Variants in PLXNA4 observed in about 807,000 individuals in gnomAD.
PLXNA4 encodes the protein plexin-A4.
In PLXNA4, 44 loss-of-function variants were observed where a neutral mutation model predicts 191.8. The ratio of observed to expected loss-of-function variants is 0.23; its 90% CI spans 0.18 to 0.29. The LOEUF (loss-of-function observed/expected upper bound fraction) is 0.29, where lower values mean the gene tolerates loss of function less well. Ranked by LOEUF, PLXNA4 falls within the 10% of genes least tolerant of loss-of-function variation. The pLI, the probability that PLXNA4 is intolerant of heterozygous loss-of-function variation, is 1.00. For synonymous variants in PLXNA4, 1,082 were observed against 1,009.5 expected (o/e 1.07, Z -1.36); for missense variants, 1,800 against 2,488.8 (o/e 0.72, Z 5.89).
intron 3 of PLXNA4, among the ~76,000 whole-genome samples, chr7:132,463,190 A>G (rs1796582313): frequency 1.3e-5 from 2 of 152,150 alleles, no homozygotes; most frequent in African/African-American, 4.8e-5. Context: ...ATAAAAAATA[A>G]AAATTGTAGG....
intron 1 of PLXNA4, among the ~76,000 whole-genome samples, chr7:132,553,317 T>C (rs548922520): frequency 6.6e-6 from 1 of 152,306 alleles, no homozygotes; most frequent in South Asian, 2.1e-4. Context: ...TAGGCTATTT[T>C]CCACATTACT....
chr7:132,568,952 C>T (rs1327023690), intron 1 of PLXNA4, among the ~76,000 whole-genome samples: 1 of 152,236 alleles, frequency 6.6e-6, no homozygotes, highest in African/African-American at 2.4e-5. Flanking sequence ...GGCTGGGCTC[C>T]TGCAGGGGTA....
At chr7:132,208,063 T>C (rs1287107041) in intron 10 of PLXNA4, among the ~76,000 whole-genome samples, 1 of 152,206 alleles carries the variant, frequency 6.6e-6, no homozygotes, top group Non-Finnish European at 1.5e-5. Context: ...TGGTACCCTG[T>C]TTTCTGTAAC....
At chr7:132,482,591 A>C (rs903399975) in intron 3 of PLXNA4, among the ~76,000 whole-genome samples, 1 of 152,190 alleles carries the variant, frequency 6.6e-6, no homozygotes, top group Admixed American at 6.5e-5. Context: ...GTGTTGTTCA[A>C]AGCCTCTAAG....
chr7:132,255,879 C>T (rs1308578735), intron 4 of PLXNA4, among the ~76,000 whole-genome samples: 2 of 152,214 alleles, frequency 1.3e-5, no homozygotes, highest in African/African-American at 2.4e-5. Flanking sequence ...GTTTTATTGC[C>T]CCAGCACCTG....
At chr7:132,338,722 G>A (rs900652461) in intron 3 of PLXNA4, among the ~76,000 whole-genome samples, 3 of 152,178 alleles carry the variant, frequency 2.0e-5, no homozygotes, top group African/African-American at 7.2e-5. Context: ...ATCAGGAGGT[G>A]GATGGTGGTC....
intron 3 of PLXNA4, among the ~76,000 whole-genome samples, chr7:132,328,468 G>T (rs1004871659): frequency 6.6e-6 from 1 of 152,146 alleles, no homozygotes; most frequent in East Asian, 1.9e-4. Flanking sequence ...AATAGGAGCG[G>T]GGGGGCCTCC....
intron 3 of PLXNA4, among the ~76,000 whole-genome samples, chr7:132,348,257 A>C (rs1803329257): frequency 6.6e-6 from 1 of 152,112 alleles, no homozygotes; most frequent in Non-Finnish European, 1.5e-5. Context: ...AGATCATAAC[A>C]ATCTTTTCCA....
rs1798213866 is a variant in PLXNA4, at chr7:132,223,575, A to G, written c.2049T>C (p.His683=). 7.4e-6 allele frequency: 12 copies of G among 1,613,846 alleles called. No individual in the cohort carries two copies. Among genetic ancestry groups the G allele is most frequent in the Non-Finnish European group, 9.3e-6 (11 of 1,179,900 alleles). The change falls in exon 9 of 32, where the codon CAT becomes CAC. Residue 683 remains histidine, a synonymous_variant. Transcript: ENST00000321063. ...HWCKYRHVCT[H]DPKTCSFQEG... ...CCTGGAAGGAGCAGGTCTTGGGGTC[A>G]TGGGTGCAGACATGCCGGTATTTAC... is the stretch of plus-strand genomic sequence containing the variant.
intron 3 of PLXNA4, among the ~76,000 whole-genome samples, chr7:132,462,249 T>G (rs1158498354): frequency 6.6e-6 from 1 of 152,088 alleles, no homozygotes; most frequent in Non-Finnish European, 1.5e-5. Flanking sequence ...CACTATTAGG[T>G]TAAAATAGGA....
intron 3 of PLXNA4, among the ~76,000 whole-genome samples, chr7:132,391,197 G>T (rs1209562636): frequency 2.6e-5 from 4 of 152,326 alleles, no homozygotes; most frequent in African/African-American, 9.6e-5. Context: ...GTGCATGAGT[G>T]TGTGTGGCCA....
chr7:132,628,370 T>TTC (rs910875530), intron 2 of PLXNA4, among the ~76,000 whole-genome samples: 4 of 149,288 alleles, frequency 2.7e-5, no homozygotes, highest in Admixed American at 1.3e-4. Flanking sequence ...CTCTCTCTGT[T>TTC]TCTCTCTCTC....
chr7:132,355,074 T>C (rs977777849), intron 3 of PLXNA4, among the ~76,000 whole-genome samples: 2 of 152,224 alleles, frequency 1.3e-5, no homozygotes, highest in Non-Finnish European at 2.9e-5. Flanking sequence ...ATGCCCCCTC[T>C]TCCTGCCTCT....
chr7:132,519,291 T>C (rs1402324682), intron 1 of PLXNA4, among the ~76,000 whole-genome samples: 1 of 152,154 alleles, frequency 6.6e-6, no homozygotes, highest in Non-Finnish European at 1.5e-5. Context: ...TGAGGAACAC[T>C]CTATCCAGGG....
intron 3 of PLXNA4, among the ~76,000 whole-genome samples, chr7:132,312,761 G>A (rs548433525): frequency 1.3e-5 from 2 of 152,294 alleles, no homozygotes; most frequent in East Asian, 3.9e-4. Context: ...GGAAGATGCA[G>A]ATAATAACAG....
At chr7:132,199,584 G>A (rs1280293404) in intron 12 of PLXNA4, among the ~76,000 whole-genome samples, 3 of 152,174 alleles carry the variant, frequency 2.0e-5, no homozygotes, top group African/African-American at 2.4e-5. Flanking sequence ...GTGCCTATGA[G>A]CACCAGCACC....
chr7:132,198,360 TG>T, intron 13 of PLXNA4, 124 bp downstream of exon 13: 1 of 1,355,886 alleles, frequency 7.4e-7, no homozygotes, highest in Non-Finnish European at 9.8e-7. Context: ...TCTAAAATAT[TG>T]GGGTGGTTCT....
At chr7:132,563,573 C>T (rs1363630274) in intron 1 of PLXNA4, among the ~76,000 whole-genome samples, 1 of 122,656 alleles carries the variant, frequency 8.2e-6, no homozygotes, top group African/African-American at 3.1e-5. Context: ...TCCTCTTCAT[C>T]CTCCTCCTCC....
upstream of PLXNA4, among the ~76,000 whole-genome samples, chr7:132,581,785 A>T (rs1802406973): frequency 3.3e-5 from 5 of 151,974 alleles, no homozygotes; most frequent in Admixed American, 3.3e-4. Context: ...AATAACTCCC[A>T]TGCCTCCCAT....
Sources: gnomAD v4.1 joint callset for allele counts (sites outside exome capture counted in the v4.1 genomes callset) on GRCh38, gnomAD v4.1.1 for gene constraint, MANE v1.5 for transcripts, NCBI Gene and HGNC (gene_info 2026-07-23, HGNC 2026-07-21) for gene names.